Variants in NRAS observed in about 807,000 individuals in gnomAD.
NRAS encodes the protein GTPase NRas.
Under a neutral mutation model 21.3 loss-of-function variants are expected in NRAS, and 6 were observed. The observed-to-expected ratio is 0.28, with a 90% confidence interval of 0.15 to 0.56. The LOEUF (loss-of-function observed/expected upper bound fraction) is 0.56. Among genes scored for constraint, NRAS ranks in the 20% least tolerant of loss-of-function variants. NRAS has a pLI of 0.93. For synonymous variants in NRAS, 84 were observed against 82.0 expected (o/e 1.02, Z -0.13); for missense variants, 143 against 231.3 (o/e 0.62, Z 2.48).
At chr1:114,710,670 T>C (rs569449384) in intron 3 of NRAS, among the ~76,000 whole-genome samples, 1 of 152,084 alleles carries the variant, frequency 6.6e-6, no homozygotes, top group Non-Finnish European at 1.5e-5. Flanking sequence ...TATTAACTTG[T>C]AGTATTTTTG....
At position 114,708,196 on chromosome 1, in the gene NRAS, T is replaced by TA. The variant is rs1419906907; in HGVS notation, c.*5-5dup. 2.3e-5 allele frequency: 6 copies of TA among 262,380 alleles called. No homozygotes were observed. Among genetic ancestry groups the TA allele is most frequent in the Admixed American group, 4.9e-5 (1 of 20,546 alleles). 16.3% of individuals were successfully genotyped at this position (262,380 alleles called of 1,614,324 possible). A position where few individuals can be genotyped will look rare whatever the true frequency, so the allele number is the denominator to read the frequency against. ...TCTGACAAAACTTTAAAAGTATCTGTAAAAAAAGAACAGAAACCATGTCCT... is the reference window on the plus strand; with the variant it reads ...TCTGACAAAACTTTAAAAGTATCTGTAAAAAAAAGAACAGAAACCATGTCCT... On this transcript the variant is annotated splice_region_variant and splice_polypyrimidine_tract_variant and intron_variant, in intron 5 of 6. Transcript: ENST00000369535.
chr1:114,710,988 T>C (rs995243308), intron 3 of NRAS, among the ~76,000 whole-genome samples: 3 of 152,216 alleles, frequency 2.0e-5, no homozygotes, highest in Non-Finnish European at 2.9e-5. Context: ...AGATGGGTGG[T>C]GCTCAAACAT....
chr1:114,710,283 T>G (rs920785070), intron 3 of NRAS, among the ~76,000 whole-genome samples: 2 of 76,526 alleles, frequency 2.6e-5, no homozygotes, highest in African/African-American at 9.0e-5. Context: ...ATATAATTTA[T>G]AATATATAAA....
chr1:114,714,257 T>C (rs1659109924), intron 2 of NRAS, among the ~76,000 whole-genome samples: 1 of 152,170 alleles, frequency 6.6e-6, no homozygotes, highest in African/African-American at 2.4e-5. Flanking sequence ...ACACAGTAAC[T>C]CAAATGACAA....
In NRAS at chr1:114,708,387, T is replaced by C. The variant is rs1183753530; in HGVS notation, c.*4+144A>G. The C allele has an allele frequency of 6.4e-6, 5 of 777,246 alleles. No individual in the cohort carries two copies. The Admixed American group carries it at 9.1e-5, about 14-fold the overall frequency. 48.1% of individuals were successfully genotyped at this position (777,246 alleles called of 1,614,324 possible). ...TTAAACACTTTAGACCTCAGTACTT[T>C]CAGAAAGGGTGTCATATGGAAAATG... On this transcript the variant is annotated intron_variant, in intron 5 of 6. Coordinates refer to ENST00000369535, the MANE Select transcript of NRAS (RefSeq NM_002524.5).
chr1:114,710,122 C>G (rs1044432775), intron 3 of NRAS, among the ~76,000 whole-genome samples: 1 of 150,558 alleles, frequency 6.6e-6, no homozygotes, highest in African/African-American at 2.4e-5. Flanking sequence ...ACCTGGGAGG[C>G]GAAGATTGCA....
At chr1:114,716,005 A>G (rs1659155521) in intron 2 of NRAS, 45 bp downstream of exon 2, 4 of 1,133,232 alleles carry the variant, frequency 3.5e-6, no homozygotes, top group African/African-American at 3.0e-5. Flanking sequence ...ATGATCCGAC[A>G]AGTGAGAGAC....
In NRAS at chr1:114,704,927, G is replaced by T. The variant is rs1658876857; in HGVS notation, c.*3167C>A. 6.6e-6 allele frequency: 1 copy of T among 152,198 alleles called. No homozygotes were observed. Among genetic ancestry groups the T allele is most frequent in the Non-Finnish European group, 1.5e-5 (1 of 68,030 alleles). The allele number at this position is 152,198 out of a possible 1,614,324, so 9.4% of individuals were successfully genotyped here. A position where few individuals can be genotyped will look rare whatever the true frequency, so the allele number is the denominator to read the frequency against. On this transcript the variant is annotated 3_prime_UTR_variant, in exon 7 of 7. Transcript: ENST00000369535. ...AGCAAAGATGAAAAATAATGTACAA[G>T]AATTATAGTCCCTTGTTTATAGAAA...
intron 3 of NRAS, 41 bp downstream of exon 3, chr1:114,713,759 C>G (rs771129357): frequency 1.3e-6 from 2 of 1,529,648 alleles, no homozygotes. Context: ...AGATTCAGAA[C>G]ACAAAGATCA....
chr1:114,711,763 G>A (rs1408802844), intron 3 of NRAS, among the ~76,000 whole-genome samples: 2 of 152,070 alleles, frequency 1.3e-5, no homozygotes, highest in East Asian at 1.9e-4. Flanking sequence ...TGACATGTAA[G>A]GCACACCACA....
chr1:114,708,491 T>G, intron 5 of NRAS, 40 bp downstream of exon 5: 1 of 1,601,460 alleles, frequency 6.2e-7, no homozygotes, highest in Non-Finnish European at 8.6e-7. Flanking sequence ...CAATACTATA[T>G]ACTAAGATTT....
Position 114,713,964 on chromosome 1 carries a change from T to C in NRAS, c.126A>G (p.Lys42=). The C allele has an allele frequency of 6.3e-7, 1 of 1,599,940 alleles. No individual in the cohort carries two copies. The highest frequency in any genetic ancestry group is 1.3e-5 in the African/African-American group (1 of 74,698). ...YDPTIEDSYR[K]QVVIDGETCL... ...AGGTTTCACCATCTATAACCACTTG[T>C]TTTCTGTAAGAATCCTGGGGGTGTG... The change falls in exon 3 of 7, where the codon AAA becomes AAG. Residue 42 remains lysine, a synonymous_variant. Coordinates refer to ENST00000369535, the MANE Select transcript of NRAS (RefSeq NM_002524.5).
chr1:114,708,566 C>G lies in NRAS; in HGVS notation c.539G>C (p.Gly180Ala). 2 of 1,613,680 alleles carry G rather than the reference C, an allele frequency of 1.2e-6. No homozygotes were observed. The highest frequency in any genetic ancestry group is 8.5e-7 in the Non-Finnish European group (1 of 1,179,572). The part of the protein sequence containing the change: ...KLNSSDDGTQ[G>A]CMGLPCVVM ...CACCACACATGGCAATCCCATACAA[C>G]CCTGAGTCCCATCATCACTGCTGTT... is the stretch of plus-strand genomic sequence containing the variant. Residue 180 changes from glycine to alanine, a missense_variant, in exon 5 of 7, where the codon GGT becomes GCT. By Grantham distance (60) the Gly-to-Ala change is moderately conservative. Coordinates refer to ENST00000369535, the MANE Select transcript of NRAS (RefSeq NM_002524.5).
rs889106097 is a variant in NRAS, at chr1:114,715,974, T to G, written c.111+76A>C. ...TTTACTTTCTCTCCTCTTATTCCTT[T>G]AATACAGAATATGGGTAAAGATGAT... is the stretch of plus-strand genomic sequence containing the variant. On this transcript the variant is annotated intron_variant, in intron 2 of 6. Coordinates refer to ENST00000369535, the MANE Select transcript of NRAS (RefSeq NM_002524.5). The G allele has an allele frequency of 1.0e-4, 95 of 924,886 alleles. 1 individual carries two copies. In the Admixed American group the frequency reaches 1.6e-3, roughly 16 times the overall value. The allele number at this position is 924,886 out of a possible 1,614,324, so 57.3% of individuals were successfully genotyped here.
chr1:114,713,730 T>C, intron 3 of NRAS, 70 bp downstream of exon 3: 3 of 1,320,850 alleles, frequency 2.3e-6, no homozygotes, highest in Non-Finnish European at 3.3e-6. Context: ...CCTAGTGTGG[T>C]AACCTCATTT....
At chr1:114,715,522 G>C (rs1038131639) in intron 2 of NRAS, among the ~76,000 whole-genome samples, 1 of 152,146 alleles carries the variant, frequency 6.6e-6, no homozygotes, top group Non-Finnish European at 1.5e-5. Flanking sequence ...AAAACATGAG[G>C]AAAATGAGGT....
At chr1:114,711,801 G>T (rs1659052706) in intron 3 of NRAS, among the ~76,000 whole-genome samples, 1 of 152,122 alleles carries the variant, frequency 6.6e-6, no homozygotes, top group African/African-American at 2.4e-5. Context: ...AATTGCTTTA[G>T]ATTGTCTTGA....
intron 4 of NRAS, among the ~76,000 whole-genome samples, chr1:114,709,111 A>G (rs1658982149): frequency 6.6e-6 from 1 of 152,228 alleles, no homozygotes; most frequent in East Asian, 1.9e-4. Flanking sequence ...TTGGGTTTAA[A>G]CAAGCGTTAA....
rs1336435759 is a variant in NRAS, at chr1:114,707,522, T to C, written c.*572A>G. ...ACTAGGATAGACTCAAAATTCAGTA[T>C]TCATTTTTGTATTTATGAATCTAGA... is the stretch of plus-strand genomic sequence containing the variant. On this transcript the variant is annotated 3_prime_UTR_variant, in exon 7 of 7. Transcript: ENST00000369535. The C allele has an allele frequency of 6.5e-6, 1 of 152,676 alleles. No homozygotes were observed. The highest frequency in any genetic ancestry group is 1.9e-4 in the East Asian group (1 of 5,206). The allele number at this position is 152,676 out of a possible 1,614,324, so 9.5% of individuals were successfully genotyped here.
Sources: allele counts gnomAD v4.1 joint callset (sites outside exome capture counted in the v4.1 genomes callset), GRCh38; gene constraint gnomAD v4.1.1; transcripts MANE v1.5; gene names NCBI Gene and HGNC (gene_info 2026-07-23, HGNC 2026-07-21).